Variants in KCNE5 observed in about 807,000 individuals in gnomAD.
KCNE5 encodes potassium voltage-gated channel subfamily E regulatory subunit 5, also known as potassium voltage-gated channel subfamily E regulatory beta subunit 5.
For missense variants in KCNE5, 131 were observed against 132.9 expected (o/e 0.99, Z 0.07); for synonymous variants, 65 against 62.3 (o/e 1.04, Z -0.20).
chrX:109,623,993 C>A lies in KCNE5; in HGVS notation c.*599G>T, dbSNP rs1405705694. The A allele has an allele frequency of 8.9e-6, 1 of 112,103 alleles. No homozygotes were observed. Among genetic ancestry groups the A allele is most frequent in the Non-Finnish European group, 1.9e-5 (1 of 53,191 alleles). The allele number at this position is 112,103 out of a possible 1,213,427, so 9.2% of individuals were successfully genotyped here. On this transcript the variant is annotated 3_prime_UTR_variant, in exon 1 of 1. Transcript: ENST00000372101. Reference sequence around the variant, plus strand: ...TCCCTCCCCGTTGAGCACTCCTCCCCCTTCCGTCCCCCATTAAGTTCATTC... The same window carrying A: ...TCCCTCCCCGTTGAGCACTCCTCCCACTTCCGTCCCCCATTAAGTTCATTC...
chrX:109,624,875 C>T lies in KCNE5; in HGVS notation c.146G>A (p.Arg49His), dbSNP rs1260266181. The T allele has an allele frequency of 2.5e-6, 3 of 1,212,034 alleles. No homozygotes were observed. Among genetic ancestry groups the T allele is most frequent in the Non-Finnish European group, 3.3e-6 (3 of 895,526 alleles). The change falls in exon 1 of 1, where the codon CGC (arginine) becomes CAC (histidine). Residue 49 changes from arginine (R) to histidine (H), a missense_variant. Arg to His is a conservative substitution (Grantham distance 29, BLOSUM62 0). Coordinates refer to ENST00000372101, the MANE Select transcript of KCNE5 (RefSeq NM_012282.4). ...GTCGCCCTTGGCGCTGGTCACCTCG[C>T]GGCCCACGAAAGGGTCAGGCACGAC... ...MGVVPDPFVG[R>H]EVTSAKGDDA...
In KCNE5 at chrX:109,624,564, C is replaced by A. The variant is rs1934258382; in HGVS notation, c.*28G>T. 1.9e-6 allele frequency: 2 copies of A among 1,079,567 alleles called. No homozygotes were observed. The highest frequency in any genetic ancestry group is 2.0e-5 in the African/African-American group (1 of 51,254). 89.0% of individuals were successfully genotyped at this position (1,079,567 alleles called of 1,213,427 possible). A position where few individuals can be genotyped will look rare whatever the true frequency, so the allele number is the denominator to read the frequency against. ...CCAGGGATGAGCGAGATGAGGAGGG[C>A]GCGAACCAGCAATCTGGGGCTGTGG... On this transcript the variant is annotated 3_prime_UTR_variant, in exon 1 of 1. Coordinates refer to ENST00000372101, the MANE Select transcript of KCNE5 (RefSeq NM_012282.4).
At position 109,624,295 on chromosome X, in the gene KCNE5, A is replaced by T; in HGVS notation, c.*297T>A. On this transcript the variant is annotated 3_prime_UTR_variant, in exon 1 of 1. Transcript: ENST00000372101. ...TGGACGTGTTGGATTCAGTTCCCAGAGGGCTGGAGCGTGCTGTCAGGGCTG... is the reference window on the plus strand; with the variant it reads ...TGGACGTGTTGGATTCAGTTCCCAGTGGGCTGGAGCGTGCTGTCAGGGCTG... The T allele has an allele frequency of 3.5e-6, 1 of 284,554 alleles. No homozygotes were observed. Among genetic ancestry groups the T allele is most frequent in the Admixed American group, 6.2e-5 (1 of 16,034 alleles). 23.5% of individuals were successfully genotyped at this position (284,554 alleles called of 1,213,427 possible).
chrX:109,625,162 G>A lies in KCNE5; in HGVS notation c.-142C>T. On this transcript the variant is annotated 5_prime_UTR_variant, in exon 1 of 1. Coordinates refer to ENST00000372101, the MANE Select transcript of KCNE5 (RefSeq NM_012282.4). Reference sequence around the variant, plus strand: ...GGTAGCACCCAGCTCTCCGGCGAGCGCGCAGTGGCTGGGGGCGCCGACGGC... The same window carrying A: ...GGTAGCACCCAGCTCTCCGGCGAGCACGCAGTGGCTGGGGGCGCCGACGGC... 2 of 690,389 alleles carry A rather than the reference G, an allele frequency of 2.9e-6. No individual in the cohort carries two copies. Among genetic ancestry groups the A allele is most frequent in the East Asian group, 3.5e-5 (1 of 28,225 alleles). The allele number at this position is 690,389 out of a possible 1,213,427, so 56.9% of individuals were successfully genotyped here.
chrX:109,624,544 G>A lies in KCNE5; in HGVS notation c.*48C>T. The A allele has an allele frequency of 1.9e-6, 2 of 1,027,650 alleles. No homozygotes were observed. Among genetic ancestry groups the A allele is most frequent in the Non-Finnish European group, 2.5e-6 (2 of 792,495 alleles). The allele number at this position is 1,027,650 out of a possible 1,213,427, so 84.7% of individuals were successfully genotyped here. On this transcript the variant is annotated 3_prime_UTR_variant, in exon 1 of 1. Transcript: ENST00000372101. ...GTGGAAGGTGGGAGGCGCGCCCAGGGATGAGCGAGATGAGGAGGGCGCGAA... is the reference window on the plus strand; with the variant it reads ...GTGGAAGGTGGGAGGCGCGCCCAGGAATGAGCGAGATGAGGAGGGCGCGAA...
rs377554916 is a variant in KCNE5 at position 109,625,022 on chromosome X, G to T, written c.-2C>A. ...CCGCTGGCTCTCGCTGCAGTTCATG[G>T]CTTTCGGGGAGTGACACGGCGGCTC... is the stretch of plus-strand genomic sequence containing the variant. On this transcript the variant is annotated 5_prime_UTR_variant, in exon 1 of 1. Coordinates refer to ENST00000372101, the MANE Select transcript of KCNE5 (RefSeq NM_012282.4). The T allele has an allele frequency of 5.6e-5, 66 of 1,189,023 alleles. No individual in the cohort carries two copies. In the Middle Eastern group the frequency reaches 9.8e-4, roughly 18 times the overall value.
chrX:109,625,085 G>A lies in KCNE5; in HGVS notation c.-65C>T, dbSNP rs1424907295. ...GACCTTTCCCCCTGGGCGAGGGGAA[G>A]CGAGCTAGCGAGCGGGCCGGCCGGC... On this transcript the variant is annotated 5_prime_UTR_variant, in exon 1 of 1. Coordinates refer to ENST00000372101, the MANE Select transcript of KCNE5 (RefSeq NM_012282.4). 3 of 1,101,794 alleles carry A rather than the reference G, an allele frequency of 2.7e-6. No individual in the cohort carries two copies. The highest frequency in any genetic ancestry group is 3.9e-5 in the South Asian group (2 of 51,016). The allele number at this position is 1,101,794 out of a possible 1,213,427, so 90.8% of individuals were successfully genotyped here.
Position 109,624,897 on chromosome X carries a change from C to G in KCNE5, c.124G>C (p.Val42Leu). 8.3e-7 allele frequency: 1 copy of G among 1,211,259 alleles called. No homozygotes were observed. The highest frequency in any genetic ancestry group is 1.1e-6 in the Non-Finnish European group (1 of 895,355). The change falls in exon 1 of 1, where the codon GTG becomes CTG. Residue 42 changes from valine to leucine, a missense_variant. By Grantham distance (32) the Val-to-Leu change is conservative. Coordinates refer to ENST00000372101, the MANE Select transcript of KCNE5 (RefSeq NM_012282.4). ...TCGCGGCCCACGAAAGGGTCAGGCA[C>G]GACCCCCATGCCCATGCTGGGACGA... ...GPRPSMGMGV[V>L]PDPFVGREVT...
chrX:109,624,571 C>A lies in KCNE5; in HGVS notation c.*21G>T. The stretch of plus-strand genomic sequence containing the variant: ...TGAGCGAGATGAGGAGGGCGCGAAC[C>A]AGCAATCTGGGGCTGTGGTTTTAGA... On this transcript the variant is annotated 3_prime_UTR_variant, in exon 1 of 1. Transcript: ENST00000372101. The A allele has an allele frequency of 9.2e-7, 1 of 1,089,777 alleles. No homozygotes were observed. Among genetic ancestry groups the A allele is most frequent in the South Asian group, 2.4e-5 (1 of 42,415 alleles). 89.8% of individuals were successfully genotyped at this position (1,089,777 alleles called of 1,213,427 possible).
At position 109,625,170 on chromosome X, in the gene KCNE5, G is replaced by C; in HGVS notation, c.-150C>G. ...CCAGCTCTCCGGCGAGCGCGCAGTG[G>C]CTGGGGGCGCCGACGGCGGGGCCTC... On this transcript the variant is annotated 5_prime_UTR_variant, in exon 1 of 1. Coordinates refer to ENST00000372101, the MANE Select transcript of KCNE5 (RefSeq NM_012282.4). The C allele has an allele frequency of 1.3e-5, 8 of 609,523 alleles. No homozygotes were observed. Among genetic ancestry groups the C allele is most frequent in the Non-Finnish European group, 1.8e-5 (7 of 388,955 alleles). 50.2% of individuals were successfully genotyped at this position (609,523 alleles called of 1,213,427 possible).
chrX:109,624,632 T>C lies in KCNE5; in HGVS notation c.389A>G (p.Glu130Gly). 1.7e-6 allele frequency: 2 copies of C among 1,144,649 alleles called. No individual in the cohort carries two copies. The highest frequency in any genetic ancestry group is 2.3e-6 in the Non-Finnish European group (2 of 864,927). 94.3% of individuals were successfully genotyped at this position (1,144,649 alleles called of 1,213,427 possible). Residue 130 changes from glutamate to glycine, a missense_variant, in exon 1 of 1, where the codon GAG becomes GGG. Coordinates refer to ENST00000372101, the MANE Select transcript of KCNE5 (RefSeq NM_012282.4). ...GCCCTGGGCGAGGGCAGGCAGCCCC[T>C]CGGAGGCAAGCTGGCGGCGGCCCTC... is the stretch of plus-strand genomic sequence containing the variant. The part of the protein sequence containing the change: ...QAEGRRQLAS[E>G]GLPALAQGAE...
chrX:109,624,455 G>A lies in KCNE5; in HGVS notation c.*137C>T. 1.8e-6 allele frequency: 1 copy of A among 563,486 alleles called. No individual in the cohort carries two copies. Among genetic ancestry groups the A allele is most frequent in the South Asian group, 3.8e-5 (1 of 26,223 alleles). 46.4% of individuals were successfully genotyped at this position (563,486 alleles called of 1,213,427 possible). A position where few individuals can be genotyped will look rare whatever the true frequency, so the allele number is the denominator to read the frequency against. ...TCTCCTTCCAGGGCCTTCCAGACAA[G>A]GTCTCCTGGCCTCTCACCATTATCT... On this transcript the variant is annotated 3_prime_UTR_variant, in exon 1 of 1. Coordinates refer to ENST00000372101, the MANE Select transcript of KCNE5 (RefSeq NM_012282.4).
In KCNE5 at chrX:109,624,419, A is replaced by G. The variant is rs1394516782; in HGVS notation, c.*173T>C. 6.2e-5 allele frequency: 26 copies of G among 418,502 alleles called. No homozygotes were observed. Among genetic ancestry groups the G allele is most frequent in the Non-Finnish European group, 9.3e-5 (24 of 257,419 alleles). The allele number at this position is 418,502 out of a possible 1,213,427, so 34.5% of individuals were successfully genotyped here. A position where few individuals can be genotyped will look rare whatever the true frequency, so the allele number is the denominator to read the frequency against. On this transcript the variant is annotated 3_prime_UTR_variant, in exon 1 of 1. Coordinates refer to ENST00000372101, the MANE Select transcript of KCNE5 (RefSeq NM_012282.4). ...GAGGGAGAAACTGGCCCGAATGGGT[A>G]AGGTGGTGCTTCTCCTTCCAGGGCC...
In KCNE5 at chrX:109,624,463, G is replaced by A. The variant is rs1327921634; in HGVS notation, c.*129C>T. 1 of 599,027 alleles carries A rather than the reference G, an allele frequency of 1.7e-6. No individual in the cohort carries two copies. Among genetic ancestry groups the A allele is most frequent in the African/African-American group, 2.4e-5 (1 of 41,055 alleles). 49.4% of individuals were successfully genotyped at this position (599,027 alleles called of 1,213,427 possible). A position where few individuals can be genotyped will look rare whatever the true frequency, so the allele number is the denominator to read the frequency against. ...CAGGGCCTTCCAGACAAGGTCTCCTGGCCTCTCACCATTATCTGGGCCTCA... is the reference window on the plus strand; with the variant it reads ...CAGGGCCTTCCAGACAAGGTCTCCTAGCCTCTCACCATTATCTGGGCCTCA... On this transcript the variant is annotated 3_prime_UTR_variant, in exon 1 of 1. Transcript: ENST00000372101.
Position 109,624,479 on chromosome X carries a change from C to T in KCNE5, c.*113G>A. On this transcript the variant is annotated 3_prime_UTR_variant, in exon 1 of 1. Coordinates refer to ENST00000372101, the MANE Select transcript of KCNE5 (RefSeq NM_012282.4). ...AGGTCTCCTGGCCTCTCACCATTAT[C>T]TGGGCCTCAGATGAGGCGAACCCTG... 1 of 686,758 alleles carries T rather than the reference C, an allele frequency of 1.5e-6. No individual in the cohort carries two copies. The highest frequency in any genetic ancestry group is 2.0e-6 in the Non-Finnish European group (1 of 492,765). 56.6% of individuals were successfully genotyped at this position (686,758 alleles called of 1,213,427 possible).
At position 109,625,154 on chromosome X, in the gene KCNE5, C is replaced by T. The variant is rs41313567; in HGVS notation, c.-134G>A. 5 of 739,598 alleles carry T rather than the reference C, an allele frequency of 6.8e-6. No individual in the cohort carries two copies. The highest frequency in any genetic ancestry group is 2.1e-5 in the African/African-American group (1 of 47,660). The allele number at this position is 739,598 out of a possible 1,213,427, so 61.0% of individuals were successfully genotyped here. On this transcript the variant is annotated 5_prime_UTR_variant, in exon 1 of 1. Transcript: ENST00000372101. ...GAAACAGCGGTAGCACCCAGCTCTC[C>T]GGCGAGCGCGCAGTGGCTGGGGGCG...
Position 109,624,865 on chromosome X carries a change from G to A in KCNE5, c.156C>T (p.Thr52=). 2 of 1,212,198 alleles carry A rather than the reference G, an allele frequency of 1.6e-6. No homozygotes were observed. The highest frequency in any genetic ancestry group is 3.4e-5 in the African/African-American group (2 of 58,047). Residue 52 remains threonine, a synonymous_variant, in exon 1 of 1, where the codon ACC becomes ACT. Transcript: ENST00000372101. The stretch of plus-strand genomic sequence containing the variant: ...GATAGGCGTCGTCGCCCTTGGCGCT[G>A]GTCACCTCGCGGCCCACGAAAGGGT... ...VPDPFVGREV[T]SAKGDDAYLY... is the part of the protein sequence containing the mutation.
Position 109,625,103 on chromosome X carries a change from C to A in KCNE5, c.-83G>T. On this transcript the variant is annotated 5_prime_UTR_variant, in exon 1 of 1. Coordinates refer to ENST00000372101, the MANE Select transcript of KCNE5 (RefSeq NM_012282.4). Reference sequence around the variant, plus strand: ...AGGGGAAGCGAGCTAGCGAGCGGGCCGGCCGGCGGGCAGGGCTCAGCAGCG... The same window carrying A: ...AGGGGAAGCGAGCTAGCGAGCGGGCAGGCCGGCGGGCAGGGCTCAGCAGCG... The A allele has an allele frequency of 2.8e-6, 3 of 1,061,951 alleles. No individual in the cohort carries two copies. The highest frequency in any genetic ancestry group is 2.6e-6 in the Non-Finnish European group (2 of 781,640). The allele number at this position is 1,061,951 out of a possible 1,213,427, so 87.5% of individuals were successfully genotyped here.
At position 109,624,599 on chromosome X, in the gene KCNE5, C is replaced by G; in HGVS notation, c.422G>C (p.Arg141Pro). 1.1e-5 allele frequency: 12 copies of G among 1,109,933 alleles called. No individual in the cohort carries two copies. The highest frequency in any genetic ancestry group is 1.4e-5 in the Non-Finnish European group (12 of 850,523). 91.5% of individuals were successfully genotyped at this position (1,109,933 alleles called of 1,213,427 possible). Residue 141 changes from arginine to proline, a missense_variant, in exon 1 of 1, where the codon CGG becomes CCG. Arg to Pro is a moderately radical substitution (Grantham distance 103). Coordinates refer to ENST00000372101, the MANE Select transcript of KCNE5 (RefSeq NM_012282.4). ...GLPALAQGAE[R>P]V Reference sequence around the variant, plus strand: ...CAATCTGGGGCTGTGGTTTTAGACCCGCTCAGCGCCCTGGGCGAGGGCAGG... The same window carrying G: ...CAATCTGGGGCTGTGGTTTTAGACCGGCTCAGCGCCCTGGGCGAGGGCAGG...
Sources: gnomAD v4.1 joint callset for allele counts on GRCh38, gnomAD v4.1.1 for gene constraint, MANE v1.5 for transcripts, NCBI Gene and HGNC (gene_info 2026-07-23, HGNC 2026-07-21) for gene names.